NAV1: variants seen among roughly 807,000 people sequenced by gnomAD.
The protein encoded by NAV1 is pore membrane and/or filament interacting like protein 3.
In NAV1, 18 loss-of-function variants were observed where a neutral mutation model predicts 175.2. The observed-to-expected ratio is 0.10, with a 90% CI of 0.07 to 0.15. The LOEUF (loss-of-function observed/expected upper bound fraction) is 0.15, where lower values mean the gene tolerates loss of function less well. NAV1 is among the 10% of genes least tolerant of loss of function. The pLI is 1.00. For missense variants in NAV1, 1,731 were observed against 2,436.6 expected (o/e 0.71, Z 6.10); for synonymous variants, 897 against 978.7 (o/e 0.92, Z 1.56).
chr1:201,731,774 G>A (rs1672869891), intron 3 of NAV1, among the ~76,000 whole-genome samples: 1 of 152,214 alleles, frequency 6.6e-6, no homozygotes, highest in African/African-American at 2.4e-5. Flanking sequence ...ATTTCAGGTG[G>A]TGGGACTTGC....
intron 1 of NAV1, among the ~76,000 whole-genome samples, chr1:201,653,979 C>T (rs1008804246): frequency 1.3e-5 from 2 of 152,206 alleles, no homozygotes; most frequent in Admixed American, 1.3e-4. Flanking sequence ...TAGGCTTGGG[C>T]CCCCACCCAG....
At chr1:201,765,211 A>G (rs1240053014) in intron 3 of NAV1, among the ~76,000 whole-genome samples, 2 of 152,054 alleles carry the variant, frequency 1.3e-5, no homozygotes, top group African/African-American at 4.8e-5. Flanking sequence ...TATTTGCTTT[A>G]ACTCCTTTCT....
chr1:201,771,430 C>T (rs558571129), intron 3 of NAV1, among the ~76,000 whole-genome samples: 3 of 141,022 alleles, frequency 2.1e-5, no homozygotes, highest in South Asian at 2.4e-4. Context: ...ACCCGGGAGG[C>T]GGAGGTTGCA....
intron 2 of NAV1, among the ~76,000 whole-genome samples, chr1:201,609,714 T>G (rs1186191466): frequency 6.6e-6 from 1 of 152,206 alleles, no homozygotes; most frequent in Non-Finnish European, 1.5e-5. Flanking sequence ...GTGTCTGCAC[T>G]GAGCTCTCCC....
intron 1 of NAV1, among the ~76,000 whole-genome samples, chr1:201,563,946 A>T (rs1257330773): frequency 2.0e-5 from 3 of 151,894 alleles, no homozygotes; most frequent in African/African-American, 7.3e-5. Context: ...AAATTTAAAA[A>T]ATTAGCCAGG....
At chr1:201,590,859 T>A (rs939828602) in intron 2 of NAV1, among the ~76,000 whole-genome samples, 2 of 152,232 alleles carry the variant, frequency 1.3e-5, no homozygotes, top group Admixed American at 6.5e-5. Context: ...ACTGTACCTC[T>A]GGTCCTGTTA....
chr1:201,656,273 A>T (rs1437269570), intron 1 of NAV1, among the ~76,000 whole-genome samples: 2 of 152,132 alleles, frequency 1.3e-5, no homozygotes, highest in Admixed American at 1.3e-4. Flanking sequence ...GACAGCTTTC[A>T]CTCTGGGCTT....
rs1394851428 is a variant in NAV1, at chr1:201,787,116, C to T, written c.2995+539C>T. 6.6e-6 allele frequency among the ~76,000 whole-genome samples: 1 copy of T among 152,192 alleles called. No individual in the cohort carries two copies. The highest frequency in any genetic ancestry group is 1.5e-5 in the Non-Finnish European group (1 of 68,008). ...CAGATGTGTCCTGGCCACCCCCTTCCTAAAGCCTAGGGAGAAAGGAGAGCT... is the reference window on the plus strand; with the variant it reads ...CAGATGTGTCCTGGCCACCCCCTTCTTAAAGCCTAGGGAGAAAGGAGAGCT... On this transcript the variant is annotated intron_variant, in intron 9 of 29. Transcript: ENST00000367296. This position sits in a 1 kb window ranked among gnomAD's most constrained non-coding sequence, Gnocchi z 4.3.
At chr1:201,601,440 A>G (rs1382619971) in intron 2 of NAV1, among the ~76,000 whole-genome samples, 1 of 152,156 alleles carries the variant, frequency 6.6e-6, no homozygotes, top group Non-Finnish European at 1.5e-5. Flanking sequence ...CTGTGATCAC[A>G]CCACTGTACC....
chr1:201,574,057 T>C (rs984859624), intron 1 of NAV1, among the ~76,000 whole-genome samples: 5 of 147,140 alleles, frequency 3.4e-5, no homozygotes, highest in Non-Finnish European at 7.4e-5. Flanking sequence ...CAGCCCTGTC[T>C]CTAAGAAAAA....
At chr1:201,549,077 C>CTCTTTCTT (rs200725995) in intron 1 of NAV1, among the ~76,000 whole-genome samples, 3,321 of 130,050 alleles carry the variant, frequency 0.026, 101 homozygotes, top group East Asian at 0.038. Context: ...TTCTAGTTTT[C>CTCTTTCTT]TCTTTCTTTC....
At chr1:201,650,955 G>A (rs1669179217) in intron 1 of NAV1, among the ~76,000 whole-genome samples, 1 of 152,172 alleles carries the variant, frequency 6.6e-6, no homozygotes, top group Non-Finnish European at 1.5e-5. Context: ...GCCTGTCAAA[G>A]GCCCTGCCTC....
chr1:201,617,198 ATCTCTCTG>A (rs1668025649), intron 2 of NAV1, among the ~76,000 whole-genome samples: 1 of 118,962 alleles, frequency 8.4e-6, no homozygotes, highest in South Asian at 2.9e-4. Context: ...AGATTCCCCA[ATCTCTCTG>A]TCTCTCTCTC....
intron 2 of NAV1, among the ~76,000 whole-genome samples, chr1:201,632,410 C>A (rs1243362383): frequency 2.0e-5 from 3 of 152,254 alleles, no homozygotes; most frequent in Admixed American, 6.5e-5. Context: ...CCTGGCCCAT[C>A]TGATTCTGTT....
At chr1:201,634,991 A>G (rs1271643002) in intron 2 of NAV1, among the ~76,000 whole-genome samples, 1 of 151,820 alleles carries the variant, frequency 6.6e-6, no homozygotes. Context: ...GCATTGCCCA[A>G]CTCCAGAGGA....
rs186079327 is a variant in NAV1 at position 201,637,857 on chromosome 1, G to A, written c.4+8350G>A. Reference sequence around the variant, plus strand: ...TCTAAGGGCGATGTACCTGGGTGGTGCAGAGCTCTGCTGAGGCCCAGTGTG... The same window carrying A: ...TCTAAGGGCGATGTACCTGGGTGGTACAGAGCTCTGCTGAGGCCCAGTGTG... On this transcript the variant is annotated intron_variant, in intron 2 of 29. Transcript: ENST00000367302. Among the ~76,000 whole-genome samples the A allele has an allele frequency of 3.3e-5, 5 of 152,344 alleles. No individual in the cohort carries two copies. In the East Asian group the frequency reaches 9.6e-4, roughly 29 times the overall value.
At chr1:201,673,880 T>A (rs887086178) in intron 1 of NAV1, 1 of 152,244 alleles carries the variant, frequency 6.6e-6, no homozygotes, top group East Asian at 1.9e-4. Context: ...AGGGAAGGAT[T>A]CTTAGAAGAG....
At chr1:201,588,217 T>G (rs1667089282) in intron 1 of NAV1, among the ~76,000 whole-genome samples, 1 of 152,256 alleles carries the variant, frequency 6.6e-6, no homozygotes, top group Admixed American at 6.5e-5. Flanking sequence ...CAGTGGAATC[T>G]TATTCGGCTG....
At chr1:201,552,073 G>A (rs1665870973) in intron 1 of NAV1, among the ~76,000 whole-genome samples, 1 of 152,216 alleles carries the variant, frequency 6.6e-6, no homozygotes, top group Non-Finnish European at 1.5e-5. Context: ...AGAGTTGGGG[G>A]TGGCTGTGGG....
Sources: allele counts gnomAD v4.1 joint callset (sites outside exome capture counted in the v4.1 genomes callset), GRCh38; gene constraint gnomAD v4.1.1; non-coding constraint Gnocchi (gnomAD v3.1); transcripts MANE v1.5; gene names NCBI Gene and HGNC (gene_info 2026-07-23, HGNC 2026-07-21).